Variants in TEAD4 observed in about 807,000 individuals in gnomAD.
TEAD4 encodes TEA domain transcription factor 4.
In TEAD4, 36 loss-of-function variants were observed where a neutral mutation model predicts 52.4. That is an observed-to-expected ratio of 0.69 (90% CI 0.53 to 0.91). The LOEUF (loss-of-function observed/expected upper bound fraction) is 0.91, where lower values mean the gene tolerates loss of function less well. TEAD4 is among the 40% of genes least tolerant of loss of function. The pLI, the probability that TEAD4 is intolerant of heterozygous loss-of-function variation, is 0.00. For missense variants in TEAD4, 508 were observed against 583.9 expected (o/e 0.87, Z 1.34); for synonymous variants, 220 against 231.0 (o/e 0.95, Z 0.43).
chr12:2,999,801 G>A (rs1411118017), intron 3 of TEAD4, among the ~76,000 whole-genome samples: 3 of 152,170 alleles, frequency 2.0e-5, no homozygotes, highest in African/African-American at 7.2e-5. Flanking sequence ...CCTGCTCCCC[G>A]CCTTCCCCGC....
chr12:3,020,800 C>G, intron 9 of TEAD4, 27 bp downstream of exon 9: 9 of 1,531,926 alleles, frequency 5.9e-6, no homozygotes, highest in Non-Finnish European at 7.9e-6. Context: ...GCCTGTCCAG[C>G]TCCCTGGTCA....
chr12:3,017,596 C>T, intron 6 of TEAD4, 70 bp downstream of exon 6: 1 of 1,521,238 alleles, frequency 6.6e-7, no homozygotes, highest in South Asian at 1.3e-5. Flanking sequence ...TTCAGAAGAG[C>T]CAGAAGCATT....
intron 3 of TEAD4, among the ~76,000 whole-genome samples, chr12:2,995,607 G>A (rs1371155862): frequency 2.0e-5 from 3 of 152,186 alleles, no homozygotes; most frequent in Non-Finnish European, 4.4e-5. Flanking sequence ...GAGTGGCTGG[G>A]GTTGCAGAAC....
At position 2,962,346 on chromosome 12, in the gene TEAD4, A is replaced by ATATAAATATATATATATATATTTTT. The variant is rs1350931012; in HGVS notation, c.-30+2307_-30+2308insATAAATATATATATATATATTTTTT. On this transcript the variant is annotated intron_variant, in intron 2 of 12. Coordinates refer to ENST00000359864, the MANE Select transcript of TEAD4 (RefSeq NM_003213.4). ...TATATAAATATAAATATATATATAT[A>ATATAAATATATATATATATATTTTT]TTTTTTGAGATGGAGTTTCGCTCTT... 4.7e-5 allele frequency among the ~76,000 whole-genome samples: 6 copies of ATATAAATATATATATATATATTTTT among 128,054 alleles called. No homozygotes were observed. In the South Asian group the frequency reaches 1.4e-3, roughly 31 times the overall value. 84.0% of individuals were successfully genotyped at this position (128,054 alleles called of 152,430 possible). A position where few individuals can be genotyped will look rare whatever the true frequency, so the allele number is the denominator to read the frequency against.
intron 10 of TEAD4, among the ~76,000 whole-genome samples, chr12:3,029,534 G>T (rs1299478099): frequency 6.6e-6 from 1 of 152,004 alleles, no homozygotes; most frequent in Non-Finnish European, 1.5e-5. Flanking sequence ...CACCGCGCCC[G>T]GCCCAAGTTT....
intron 2 of TEAD4, among the ~76,000 whole-genome samples, chr12:2,968,083 C>CT (rs34430154): frequency 0.02 from 2,245 of 111,958 alleles, 117 homozygotes; most frequent in Non-Finnish European, 0.026. Flanking sequence ...ACATGTGGGT[C>CT]TTTTTTTTTT....
chr12:3,028,606 A>G lies in TEAD4; in HGVS notation c.897+6589A>G, dbSNP rs1272110888. On this transcript the variant is annotated intron_variant, in intron 10 of 12. Transcript: ENST00000359864. ...CTGGCCATTCGTATATCTTCTTTGT[A>G]GAAATGCCAATTCAGAAATTTAGGT... 2.6e-5 allele frequency among the ~76,000 whole-genome samples: 4 copies of G among 152,098 alleles called. No homozygotes were observed. In the East Asian group the frequency reaches 7.7e-4, roughly 29 times the overall value.
chr12:3,020,899 C>T (rs2098268245), intron 9 of TEAD4, 126 bp downstream of exon 9: 2 of 1,034,954 alleles, frequency 1.9e-6, no homozygotes, highest in Non-Finnish European at 1.3e-6. Flanking sequence ...TCCGATCTTC[C>T]CTTCTGCCCT....
chr12:2,978,995 A>C (rs933017180), intron 2 of TEAD4, among the ~76,000 whole-genome samples: 60 of 152,108 alleles, frequency 3.9e-4, no homozygotes, highest in African/African-American at 1.4e-3. Flanking sequence ...AGCTCACTGC[A>C]ACCTCCGCCT....
At chr12:2,970,308 A>G (rs1291106068) in intron 2 of TEAD4, among the ~76,000 whole-genome samples, 2 of 152,338 alleles carry the variant, frequency 1.3e-5, no homozygotes, top group East Asian at 3.9e-4. Context: ...TGGTTGGCAC[A>G]GTGTGGCTTT....
intron 3 of TEAD4, among the ~76,000 whole-genome samples, chr12:2,998,975 C>G (rs1001464449): frequency 1.3e-5 from 2 of 152,196 alleles, no homozygotes; most frequent in Non-Finnish European, 2.9e-5. Flanking sequence ...CACCCCGTCT[C>G]TTCTTACCAG....
intron 2 of TEAD4, among the ~76,000 whole-genome samples, chr12:2,985,392 A>G (rs893819629): frequency 1.3e-5 from 2 of 149,860 alleles, no homozygotes; most frequent in Non-Finnish European, 2.9e-5. Context: ...CTCAAAAAAA[A>G]CAAAAAACAA....
chr12:3,029,216 A>G (rs2153958029), intron 10 of TEAD4, among the ~76,000 whole-genome samples: 1 of 146,382 alleles, frequency 6.8e-6, no homozygotes, highest in Middle Eastern at 3.6e-3. Flanking sequence ...AGAGGCATGC[A>G]CTACTACGCC....
At chr12:2,961,175 G>C (rs2153951784) in intron 2 of TEAD4, among the ~76,000 whole-genome samples, 1 of 152,292 alleles carries the variant, frequency 6.6e-6, no homozygotes, top group South Asian at 2.1e-4. Context: ...GTGCTTTTAA[G>C]TTGCCCTCAA....
intron 2 of TEAD4, among the ~76,000 whole-genome samples, chr12:2,965,752 G>A (rs547562715): frequency 8.6e-5 from 13 of 152,012 alleles, no homozygotes; most frequent in Non-Finnish European, 1.9e-4. Flanking sequence ...CACCATGTTA[G>A]CCAGGATGGT....
chr12:2,969,924 T>C lies in TEAD4; in HGVS notation c.-30+9884T>C, dbSNP rs558927062. 1.3e-4 allele frequency among the ~76,000 whole-genome samples: 20 copies of C among 152,182 alleles called. No individual in the cohort carries two copies. In the East Asian group the frequency reaches 3.3e-3, roughly 25 times the overall value. ...AGAAATACTATGTAAGCCTAGGAGT[T>C]ACATTTAAAAAGTAAAAAGAGCTGG... On this transcript the variant is annotated intron_variant, in intron 2 of 12. Transcript: ENST00000359864.
rs2098281853 is a variant in TEAD4, at chr12:3,040,196, G to A, written c.1128G>A (p.Lys376=). 6.2e-7 allele frequency: 1 copy of A among 1,614,232 alleles called. No homozygotes were observed. The highest frequency in any genetic ancestry group is 2.2e-5 in the East Asian group (1 of 44,882). Residue 376 remains lysine, a synonymous_variant, in exon 12 of 13, where the codon AAG becomes AAA. Transcript: ENST00000359864. The stretch of plus-strand genomic sequence containing the variant: ...AGTACATGATCAACTTCATCCACAA[G>A]CTCAAGCACCTCCCTGAGAAGTACA...
At chr12:3,037,879 C>G in intron 10 of TEAD4, 89 bp from the exon 11 acceptor site, 1 of 1,486,756 alleles carries the variant, frequency 6.7e-7, no homozygotes, top group East Asian at 2.4e-5. Context: ...AGCCCTAGAG[C>G]CGGGACCGGG....
intron 2 of TEAD4, among the ~76,000 whole-genome samples, chr12:2,987,666 C>T (rs1456502974): frequency 6.6e-6 from 1 of 151,720 alleles, no homozygotes; most frequent in Admixed American, 6.6e-5. Context: ...TCGTGATCCG[C>T]CCGCCTCGGC....
Sources: gnomAD v4.1 joint callset for allele counts (sites outside exome capture counted in the v4.1 genomes callset) on GRCh38, gnomAD v4.1.1 for gene constraint, MANE v1.5 for transcripts, NCBI Gene and HGNC (gene_info 2026-07-23, HGNC 2026-07-21) for gene names.